Variants in TFG observed in about 807,000 individuals in gnomAD.
The protein encoded by TFG is trafficking from ER to golgi regulator, also known as protein TFG.
In TFG, 22 loss-of-function variants were observed where a neutral mutation model predicts 51.4. That is an observed-to-expected ratio of 0.43 (90% CI 0.31 to 0.61). The LOEUF (loss-of-function observed/expected upper bound fraction) is 0.61, where lower values mean the gene tolerates loss of function less well. Among genes scored for constraint, TFG ranks in the 20% least tolerant of loss-of-function variants. TFG has a pLI of 0.12. For missense variants in TFG, 419 were observed against 487.7 expected (o/e 0.86, Z 1.33); for synonymous variants, 187 against 165.6 (o/e 1.13, Z -0.99).
intron 6 of TFG, among the ~76,000 whole-genome samples, chr3:100,739,702 C>T (rs1453093020): frequency 6.6e-6 from 1 of 152,072 alleles, no homozygotes; most frequent in Admixed American, 6.6e-5. Flanking sequence ...TTTTGGCATT[C>T]TTTTTTCATC....
At chr3:100,721,910 G>T (rs1476136696) in intron 3 of TFG, among the ~76,000 whole-genome samples, 1 of 152,258 alleles carries the variant, frequency 6.6e-6, no homozygotes, top group African/African-American at 2.4e-5. Context: ...CAGCACTTTG[G>T]GAGGCCAAGG....
chr3:100,744,641 C>T, intron 6 of TFG, 192 bp from the exon 7 acceptor site: 1 of 436,068 alleles, frequency 2.3e-6, no homozygotes, highest in Non-Finnish European at 4.2e-6. Context: ...TGCAGTTAAT[C>T]CACAGCAGAG....
At chr3:100,736,365 T>TTA (rs2095106243) in intron 5 of TFG, among the ~76,000 whole-genome samples, 1 of 152,152 alleles carries the variant, frequency 6.6e-6, no homozygotes, top group African/African-American at 2.4e-5. Context: ...ACTCTACACT[T>TTA]TATAAGGAAG....
chr3:100,724,722 G>A (rs979597460), intron 3 of TFG, among the ~76,000 whole-genome samples: 4 of 152,142 alleles, frequency 2.6e-5, no homozygotes, highest in Non-Finnish European at 4.4e-5. Context: ...ACTCATCAGT[G>A]AATATTTAAA....
intron 3 of TFG, among the ~76,000 whole-genome samples, chr3:100,726,018 G>A (rs959352023): frequency 6.6e-6 from 1 of 152,180 alleles, no homozygotes; most frequent in East Asian, 1.9e-4. Context: ...CCGGTGATAG[G>A]CCATCTGCAA....
chr3:100,725,100 GT>G (rs2095071470), intron 3 of TFG, among the ~76,000 whole-genome samples: 1 of 152,008 alleles, frequency 6.6e-6, no homozygotes, highest in Non-Finnish European at 1.5e-5. Context: ...TAGAGACGGG[GT>G]TTCACCGTGT....
At chr3:100,727,910 C>T (rs1255533621) in intron 3 of TFG, among the ~76,000 whole-genome samples, 1 of 152,186 alleles carries the variant, frequency 6.6e-6, no homozygotes, top group Non-Finnish European at 1.5e-5. Context: ...TCTCAGCCAA[C>T]TGGACTTCCC....
At chr3:100,744,676 T>G (rs1174630855) in intron 6 of TFG, 157 bp from the exon 7 acceptor site, 4 of 501,254 alleles carry the variant, frequency 8.0e-6, no homozygotes, top group Non-Finnish European at 1.5e-5. Context: ...AAATGGTTCA[T>G]TCTCTTCTTC....
At chr3:100,721,298 A>G (rs2095060141) in intron 3 of TFG, among the ~76,000 whole-genome samples, 1 of 152,054 alleles carries the variant, frequency 6.6e-6, no homozygotes, top group South Asian at 2.1e-4. Context: ...AGAGGGAACT[A>G]AAGGCCTGAT....
Position 100,728,768 on chromosome 3 carries a change from C to T in TFG, c.325C>T (p.Leu109=), listed in dbSNP as rs759168672. The T allele has an allele frequency of 6.2e-7, 1 of 1,613,130 alleles. No individual in the cohort carries two copies. Among genetic ancestry groups the T allele is most frequent in the Non-Finnish European group, 8.5e-7 (1 of 1,179,622 alleles). The change falls in exon 4 of 8, where the codon CTG becomes TTG. Residue 109 remains leucine (L), a synonymous_variant. Coordinates refer to ENST00000240851, the MANE Select transcript of TFG (RefSeq NM_006070.6). ...SSQVKYLRRE[L]IELRNKVNRL... Reference sequence around the variant, plus strand: ...TCAGGTGAAATATCTCCGTCGAGAACTGATAGAACTTCGAAATAAAGTGAA... The same window carrying T: ...TCAGGTGAAATATCTCCGTCGAGAATTGATAGAACTTCGAAATAAAGTGAA...
intron 6 of TFG, among the ~76,000 whole-genome samples, chr3:100,740,235 G>A (rs1328652161): frequency 6.6e-6 from 1 of 152,168 alleles, no homozygotes; most frequent in African/African-American, 2.4e-5. Context: ...ATCTCATACA[G>A]TTTTAGACAG....
At chr3:100,724,596 A>T (rs969203482) in intron 3 of TFG, among the ~76,000 whole-genome samples, 2 of 152,196 alleles carry the variant, frequency 1.3e-5, no homozygotes, top group African/African-American at 4.8e-5. Flanking sequence ...GGGAATATAC[A>T]CTAATTCATT....
Position 100,736,589 on chromosome 3 carries a change from T to G in TFG, c.594T>G (p.Ala198=), listed in dbSNP as rs12562. Residue 198 remains alanine, a synonymous_variant, in exon 6 of 8, where the codon GCT becomes GCG. Coordinates refer to ENST00000240851, the MANE Select transcript of TFG (RefSeq NM_006070.6). ...TDDQVSGPPS[A]PAEDRSGTPD... ...TTGACTATCCAGGGCCACCCAGTGC[T>G]CCTGCAGAAGATCGTTCAGGAACAC... 6.5e-3 allele frequency: 10,514 copies of G among 1,613,938 alleles called. 36 individuals are homozygous for G. The highest frequency in any genetic ancestry group is 8.0e-3 in the Non-Finnish European group (9,473 of 1,179,942).
At chr3:100,727,556 T>G (rs2095079482) in intron 3 of TFG, among the ~76,000 whole-genome samples, 2 of 152,110 alleles carry the variant, frequency 1.3e-5, no homozygotes, top group Admixed American at 1.3e-4. Context: ...TGTCTTGGGG[T>G]TTGCAATCAG....
intron 6 of TFG, among the ~76,000 whole-genome samples, chr3:100,738,499 A>G (rs1192666861): frequency 6.6e-6 from 1 of 152,240 alleles, no homozygotes; most frequent in Non-Finnish European, 1.5e-5. Context: ...TAAACATTCT[A>G]TGAAGTGTTT....
chr3:100,747,622 C>T (rs2095143097), intron 7 of TFG, among the ~76,000 whole-genome samples: 1 of 151,584 alleles, frequency 6.6e-6, no homozygotes, highest in African/African-American at 2.4e-5. Context: ...GTTGTAAAGG[C>T]AAAAAACATC....
At chr3:100,711,548 G>C (rs991673104) in intron 1 of TFG, among the ~76,000 whole-genome samples, 1 of 152,228 alleles carries the variant, frequency 6.6e-6, no homozygotes, top group African/African-American at 2.4e-5. Flanking sequence ...AGAAGGTACA[G>C]TGTGAGGGGT....
At chr3:100,721,948 C>T (rs1206940852) in intron 3 of TFG, among the ~76,000 whole-genome samples, 1 of 152,150 alleles carries the variant, frequency 6.6e-6, no homozygotes, top group Non-Finnish European at 1.5e-5. Flanking sequence ...TGCAGGAGTT[C>T]GCGACCAGCC....
chr3:100,739,210 A>G (rs1362192379), intron 6 of TFG, among the ~76,000 whole-genome samples: 1 of 152,190 alleles, frequency 6.6e-6, no homozygotes, highest in Non-Finnish European at 1.5e-5. Flanking sequence ...AAAATGTATT[A>G]CTTATAATTT....
Sources: gnomAD v4.1 joint callset for allele counts (sites outside exome capture counted in the v4.1 genomes callset) on GRCh38, gnomAD v4.1.1 for gene constraint, MANE v1.5 for transcripts, NCBI Gene and HGNC (gene_info 2026-07-23, HGNC 2026-07-21) for gene names.